Variants in PIAS2 observed in about 807,000 individuals in gnomAD.
The protein encoded by PIAS2 is E3 SUMO-protein ligase PIAS2.
PIAS2 carries 19 observed loss-of-function variants against 69.7 expected under a neutral mutation model. That is an observed-to-expected ratio of 0.27 (90% confidence interval 0.19 to 0.40). The LOEUF is 0.40. Ranked by LOEUF, PIAS2 falls within the 10% of genes least tolerant of loss-of-function variation. PIAS2 has a pLI of 1.00. For synonymous variants in PIAS2, 261 were observed against 263.2 expected (o/e 0.99, Z 0.08); for missense variants, 624 against 757.0 (o/e 0.82, Z 2.06).
chr18:46,833,814 G>C (rs763549577), intron 9 of PIAS2, among the ~76,000 whole-genome samples: 4 of 152,168 alleles, frequency 2.6e-5, no homozygotes, highest in Non-Finnish European at 4.4e-5. Context: ...GTATTTACAA[G>C]AAATGTATTA....
intron 1 of PIAS2, among the ~76,000 whole-genome samples, chr18:46,894,462 C>A (rs938463098): frequency 1.3e-5 from 2 of 152,084 alleles, no homozygotes; most frequent in African/African-American, 2.4e-5. Flanking sequence ...TTTTTCCAAG[C>A]GGTTTTTCCA....
At chr18:46,893,498 T>C (rs190896288) in intron 1 of PIAS2, 1 of 979,380 alleles carries the variant, frequency 1.0e-6, no homozygotes, top group Admixed American at 6.1e-5. Context: ...TAACATTATT[T>C]GGCAAAGGAT....
At position 46,819,865 on chromosome 18, in the gene PIAS2, T is replaced by C. The variant is rs192694780; in HGVS notation, c.1648+1068A>G. 1.0e-3 allele frequency among the ~76,000 whole-genome samples: 159 copies of C among 152,214 alleles called. 1 individual carries two copies. Among genetic ancestry groups the C allele is most frequent in the African/African-American group, 3.7e-3 (153 of 41,542 alleles). ...GGAGGGAAGTTTAAATTTTGTAATA[T>C]GGCCTTGGTTGCAGAAGTCCTGATA... On this transcript the variant is annotated intron_variant, in intron 12 of 13. Transcript: ENST00000585916.
At chr18:46,852,125 C>CA (rs1436889129) in intron 5 of PIAS2, among the ~76,000 whole-genome samples, 2 of 152,302 alleles carry the variant, frequency 1.3e-5, no homozygotes, top group East Asian at 3.9e-4. Flanking sequence ...GCAGCATACT[C>CA]ACGTAATTCT....
intron 2 of PIAS2, among the ~76,000 whole-genome samples, chr18:46,872,012 C>A (rs2050429512): frequency 1.3e-5 from 2 of 152,148 alleles, no homozygotes; most frequent in Admixed American, 1.3e-4. Context: ...AAGTTAAAAC[C>A]CCCAGGGGAA....
chr18:46,851,411 T>C (rs2046949677), intron 5 of PIAS2, among the ~76,000 whole-genome samples: 1 of 152,234 alleles, frequency 6.6e-6, no homozygotes, highest in Non-Finnish European at 1.5e-5. Context: ...AGAAAAATAA[T>C]CCAGCTTCTT....
At chr18:46,912,963 C>T (rs1372408181) in intron 1 of PIAS2, among the ~76,000 whole-genome samples, 1 of 152,156 alleles carries the variant, frequency 6.6e-6, no homozygotes, top group African/African-American at 2.4e-5. Flanking sequence ...GAGATTACAG[C>T]CTTGAGCCAC....
chr18:46,822,771 A>C (rs1344177180), intron 11 of PIAS2, among the ~76,000 whole-genome samples: 1 of 152,114 alleles, frequency 6.6e-6, no homozygotes, highest in African/African-American at 2.4e-5. Flanking sequence ...GGTAAGGAGG[A>C]GAGAGAGACT....
rs944144109 is a variant in PIAS2, at chr18:46,850,243, A to G, written c.727-3402T>C. On this transcript the variant is annotated intron_variant, in intron 5 of 13. Coordinates refer to ENST00000585916, the MANE Select transcript of PIAS2 (RefSeq NM_004671.5). ...AAAGCAAATCTCAGATACATTTTCTATTTTCTCCAGATGTAGTTTAGTATA... is the reference window on the plus strand; with the variant it reads ...AAAGCAAATCTCAGATACATTTTCTGTTTTCTCCAGATGTAGTTTAGTATA... Among the ~76,000 whole-genome samples the G allele has an allele frequency of 3.9e-5, 6 of 152,094 alleles. No homozygotes were observed. In the South Asian group the frequency reaches 8.3e-4, roughly 21 times the overall value.
At chr18:46,886,595 T>C (rs1299316434) in intron 2 of PIAS2, among the ~76,000 whole-genome samples, 1 of 152,182 alleles carries the variant, frequency 6.6e-6, no homozygotes, top group African/African-American at 2.4e-5. Context: ...CCCAGCACTT[T>C]GGGAGGCCAA....
intron 13 of PIAS2, among the ~76,000 whole-genome samples, chr18:46,813,380 A>C (rs1293107659): frequency 6.6e-6 from 1 of 152,148 alleles, no homozygotes; most frequent in Non-Finnish European, 1.5e-5. Flanking sequence ...ACAAGTACAA[A>C]CCTGAATGTA....
At chr18:46,836,965 A>C (rs953604948) in intron 8 of PIAS2, among the ~76,000 whole-genome samples, 1 of 152,208 alleles carries the variant, frequency 6.6e-6, no homozygotes. Flanking sequence ...ACTACTGCAC[A>C]CAAATCGGTA....
chr18:46,850,692 G>A (rs1032047223), intron 5 of PIAS2, among the ~76,000 whole-genome samples: 1 of 152,152 alleles, frequency 6.6e-6, no homozygotes, highest in Non-Finnish European at 1.5e-5. Context: ...GGGGATGTCA[G>A]CCTGATTCCT....
In PIAS2 at chr18:46,890,899, C is replaced by T; in HGVS notation, c.180G>A (p.Leu60=). The part of the protein sequence containing the change: ...SPAVQIKIRE[L]YRRRYPRTLE... ...GAGTTCGTGGATATCGGCGTCTATACAATTCTCGGATTTTAATCTGAACCG... is the reference window on the plus strand; with the variant it reads ...GAGTTCGTGGATATCGGCGTCTATATAATTCTCGGATTTTAATCTGAACCG... The change falls in exon 2 of 14, where the codon TTG becomes TTA. Residue 60 remains leucine (L), a synonymous_variant. Transcript: ENST00000585916. 1.2e-6 allele frequency: 2 copies of T among 1,614,176 alleles called. No homozygotes were observed. Among genetic ancestry groups the T allele is most frequent in the South Asian group, 2.2e-5 (2 of 91,076 alleles).
chr18:46,825,415 T>C (rs2042720310), intron 11 of PIAS2, among the ~76,000 whole-genome samples: 1 of 152,216 alleles, frequency 6.6e-6, no homozygotes. Context: ...GACCTAAATC[T>C]GGTAATAAAG....
chr18:46,817,176 T>C, intron 12 of PIAS2: 1 of 965,020 alleles, frequency 1.0e-6, no homozygotes, highest in Non-Finnish European at 1.2e-6. Context: ...TTCAGTTTCA[T>C]ATGTTCAATC....
chr18:46,815,267 C>G, intron 13 of PIAS2, 45 bp downstream of exon 13: 1 of 1,537,522 alleles, frequency 6.5e-7, no homozygotes, highest in Non-Finnish European at 9.0e-7. Context: ...TATGACATAA[C>G]CAACAATCAA....
chr18:46,818,507 A>C (rs2041813275), intron 12 of PIAS2: 1 of 1,426,310 alleles, frequency 7.0e-7, no homozygotes, highest in African/African-American at 1.4e-5. Flanking sequence ...AAATGTATTA[A>C]AACTTTGTTA....
At position 46,875,825 on chromosome 18, in the gene PIAS2, C is replaced by A. The variant is rs1326856862; in HGVS notation, c.500-11577G>T. 9.2e-5 allele frequency among the ~76,000 whole-genome samples: 14 copies of A among 152,376 alleles called. No individual in the cohort carries two copies. The South Asian group carries it at 2.9e-3, about 32-fold the overall frequency. The stretch of plus-strand genomic sequence containing the variant: ...AGAGGCCCAGACTGTCCCCTTTCCA[C>A]TCAGATGGTCCTCCAGCCGACCAGG... On this transcript the variant is annotated intron_variant, in intron 2 of 13. Transcript: ENST00000585916.
Sources: gnomAD v4.1 joint callset for allele counts (sites outside exome capture counted in the v4.1 genomes callset) on GRCh38, gnomAD v4.1.1 for gene constraint, MANE v1.5 for transcripts, NCBI Gene and HGNC (gene_info 2026-07-23, HGNC 2026-07-21) for gene names.